Variants in MMP20 observed in about 807,000 individuals in gnomAD.
The protein encoded by MMP20 is matrix metalloproteinase-20.
In MMP20, 50 loss-of-function variants were observed where a neutral mutation model predicts 51.8. The observed-to-expected ratio is 0.97, with a 90% CI of 0.77 to 1.22. The LOEUF (loss-of-function observed/expected upper bound fraction) is 1.22, where lower values mean the gene tolerates loss of function less well. Ranked by LOEUF, MMP20 falls within the 50% of genes most tolerant of loss-of-function variation. MMP20 has a pLI of 0.00. For synonymous variants in MMP20, 244 were observed against 216.2 expected, an observed-to-expected ratio of 1.13 and a Z score of -1.13; for missense variants, 663 against 601.4, an observed-to-expected ratio of 1.10 and a Z score of -1.07.
chr11:102,584,355 T>G (rs1859230242), intron 8 of MMP20, among the ~76,000 whole-genome samples: 1 of 152,244 alleles, frequency 6.6e-6, no homozygotes, highest in Non-Finnish European at 1.5e-5. Context: ...ACTGCGGGTT[T>G]CATTTGCATT....
intron 2 of MMP20, among the ~76,000 whole-genome samples, chr11:102,615,797 C>T (rs1270525984): frequency 6.6e-6 from 1 of 152,088 alleles, no homozygotes; most frequent in Non-Finnish European, 1.5e-5. Context: ...TTAGAAAACT[C>T]CTTACATGTG....
At chr11:102,617,717 T>G (rs1859692762) in intron 1 of MMP20, among the ~76,000 whole-genome samples, 1 of 152,204 alleles carries the variant, frequency 6.6e-6, no homozygotes, top group Non-Finnish European at 1.5e-5. Context: ...AAATAAGCCA[T>G]AAATTATAAG....
At position 102,606,382 on chromosome 11, in the gene MMP20, C is replaced by G. The variant is rs187852383; in HGVS notation, c.953+153G>C. Reference sequence around the variant, plus strand: ...CAGTAGTTTTGGCAGTTCTCTATCTCCCCCAAAGACCCCTGCCTACCACCC... The same window carrying G: ...CAGTAGTTTTGGCAGTTCTCTATCTGCCCCAAAGACCCCTGCCTACCACCC... On this transcript the variant is annotated intron_variant, in intron 6 of 9. Transcript: ENST00000260228. Among the ~76,000 whole-genome samples, 23 of 152,314 alleles carry G rather than the reference C, an allele frequency of 1.5e-4. No homozygotes were observed. The East Asian group carries it at 4.4e-3, about 29-fold the overall frequency.
intron 6 of MMP20, among the ~76,000 whole-genome samples, chr11:102,596,088 G>A (rs1312536215): frequency 6.6e-6 from 1 of 152,170 alleles, no homozygotes. Context: ...CCCTCAATAT[G>A]TTTACAATCT....
chr11:102,612,738 C>CT (rs35861660), intron 2 of MMP20, among the ~76,000 whole-genome samples: 28,786 of 126,996 alleles, frequency 0.23, 3,931 homozygotes, highest in East Asian at 0.47. Context: ...TCTTTTCTTT[C>CT]TTTTTTTTTT....
chr11:102,593,593 G>A lies in MMP20; in HGVS notation c.1093C>T (p.Pro365Ser), dbSNP rs759872481. The change falls in exon 8 of 10, where the codon CCC becomes TCC. Residue 365 changes from proline (P) to serine (S), a missense_variant and splice_region_variant. Transcript: ENST00000260228. The stretch of plus-strand genomic sequence containing the variant: ...AATCCTCTTGTTATCCAGTAGTGGG[G>A]ACCTGAAAACAGAAATTAAAGTTTA... ...ERGTAYFFKGPHYWITRGFQM... is the reference protein window; with the variant it reads ...ERGTAYFFKGSHYWITRGFQM... 4.3e-6 allele frequency: 7 copies of A among 1,613,880 alleles called. No individual in the cohort carries two copies. Among genetic ancestry groups the A allele is most frequent in the Non-Finnish European group, 5.9e-6 (7 of 1,179,952 alleles).
rs575668872 is a variant in MMP20 at position 102,600,191 on chromosome 11, G to A, written c.954-5434C>T. Among the ~76,000 whole-genome samples the A allele has an allele frequency of 6.4e-4, 97 of 152,290 alleles. 2 individuals carry two copies. In the South Asian group the frequency reaches 6.6e-3, roughly 10 times the overall value. On this transcript the variant is annotated intron_variant, in intron 6 of 9. Transcript: ENST00000260228. ...ACATTCCCAGGGAGAATGCGAAGGA[G>A]GAAGACTTCCTCCTGTTCCATGGTG... is the stretch of plus-strand genomic sequence containing the variant.
chr11:102,619,939 CTA>C (rs967630949), intron 1 of MMP20, among the ~76,000 whole-genome samples: 11 of 152,214 alleles, frequency 7.2e-5, no homozygotes, highest in African/African-American at 2.4e-4. Context: ...AAATTAGAAA[CTA>C]TTCCTTCTTA....
chr11:102,622,505 C>A (rs186495626), intron 1 of MMP20, among the ~76,000 whole-genome samples: 24 of 152,188 alleles, frequency 1.6e-4, no homozygotes, highest in Admixed American at 3.9e-4. Flanking sequence ...CTCTTTCATG[C>A]AGCTCAGGTT....
At chr11:102,597,186 T>C (rs1859391370) in intron 6 of MMP20, among the ~76,000 whole-genome samples, 1 of 152,230 alleles carries the variant, frequency 6.6e-6, no homozygotes, top group African/African-American at 2.4e-5. Context: ...AGCTGCTTTC[T>C]CTTTGATCAC....
rs73582634 is a variant in MMP20, at chr11:102,623,083, G to A, written c.126+2111C>T. Among the ~76,000 whole-genome samples the A allele has an allele frequency of 7.5e-3, 1,141 of 152,282 alleles. 20 individuals are homozygous for A. Among genetic ancestry groups the A allele is most frequent in the African/African-American group, 0.026 (1,090 of 41,550 alleles). ...CTGCTCCTTGGTCTAAGGTCTTTCTGAGAGTATGTCATAAGGGAGACAGAG... is the reference window on the plus strand; with the variant it reads ...CTGCTCCTTGGTCTAAGGTCTTTCTAAGAGTATGTCATAAGGGAGACAGAG... On this transcript the variant is annotated intron_variant, in intron 1 of 9. Coordinates refer to ENST00000260228, the MANE Select transcript of MMP20 (RefSeq NM_004771.4).
chr11:102,587,803 C>G (rs1859271600), intron 8 of MMP20, among the ~76,000 whole-genome samples: 1 of 152,032 alleles, frequency 6.6e-6, no homozygotes, highest in Non-Finnish European at 1.5e-5. Context: ...TATATTTTTT[C>G]CATTCTTTTA....
At chr11:102,616,080 C>A (rs932141734) in intron 2 of MMP20, among the ~76,000 whole-genome samples, 2 of 152,000 alleles carry the variant, frequency 1.3e-5, no homozygotes, top group African/African-American at 4.8e-5. Flanking sequence ...TGGGTGTGTC[C>A]CCTTGGTTTA....
In MMP20 at chr11:102,608,821, G is replaced by A. The variant is rs1203033796; in HGVS notation, c.811+116C>T. 4.2e-5 allele frequency: 46 copies of A among 1,089,086 alleles called. 1 individual carries two copies. In the East Asian group the frequency reaches 1.1e-3, roughly 26 times the overall value. 67.5% of individuals were successfully genotyped at this position (1,089,086 alleles called of 1,614,324 possible). ...AGCTCTTCACAAGAAGGCATAGTTG[G>A]GGTTATGGTTTCTAGATTGATCTTT... On this transcript the variant is annotated intron_variant, in intron 5 of 9. Transcript: ENST00000260228.
At chr11:102,602,717 T>C (rs1272150018) in intron 6 of MMP20, among the ~76,000 whole-genome samples, 2 of 152,220 alleles carry the variant, frequency 1.3e-5, no homozygotes, top group Non-Finnish European at 2.9e-5. Flanking sequence ...ACTGAAGGAT[T>C]TGGATATGAT....
In MMP20 at chr11:102,579,109, G is replaced by A; in HGVS notation, c.1281C>T (p.Asp427=). 1.2e-6 allele frequency: 2 copies of A among 1,613,362 alleles called. No homozygotes were observed. The highest frequency in any genetic ancestry group is 1.7e-5 in the Admixed American group (1 of 60,028). The change falls in exon 9 of 10, where the codon GAC becomes GAT. Residue 427 remains aspartate (D), a synonymous_variant. Coordinates refer to ENST00000260228, the MANE Select transcript of MMP20 (RefSeq NM_004771.4). ...YDERKRKMEK[D]YPKNTEEEFS... is the part of the protein sequence containing the mutation. ...ATTCTTCTTCAGTATTCTTTGGATA[G>A]TCTTTTTCCATTTTCCTTTTCCTTT...
intron 6 of MMP20, among the ~76,000 whole-genome samples, chr11:102,604,870 G>A (rs1008969239): frequency 6.6e-6 from 1 of 152,098 alleles, no homozygotes; most frequent in Non-Finnish European, 1.5e-5. Context: ...TATTTTTTTA[G>A]AAATCATTGC....
intron 5 of MMP20, chr11:102,607,657 C>T (rs1193303421): frequency 6.6e-6 from 1 of 152,224 alleles, no homozygotes; most frequent in South Asian, 2.1e-4. Context: ...TATGAATGCT[C>T]CCTTGTAACA....
intron 6 of MMP20, among the ~76,000 whole-genome samples, chr11:102,602,969 T>G (rs1284191658): frequency 1.3e-5 from 2 of 152,234 alleles, no homozygotes; most frequent in African/African-American, 4.8e-5. Flanking sequence ...AAAAAGTAAG[T>G]GTATGTTCAT....
Sources: gnomAD v4.1 joint callset for allele counts (sites outside exome capture counted in the v4.1 genomes callset) on GRCh38, gnomAD v4.1.1 for gene constraint, MANE v1.5 for transcripts, NCBI Gene and HGNC (gene_info 2026-07-23, HGNC 2026-07-21) for gene names.